NID2: variants seen among roughly 807,000 people sequenced by gnomAD.
NID2 encodes nidogen 2, also known as nidogen-2.
A neutral mutation model predicts 145.4 loss-of-function variants in NID2; 83 were observed. The ratio of observed to expected loss-of-function variants is 0.57; its 90% CI spans 0.48 to 0.69. The LOEUF (loss-of-function observed/expected upper bound fraction) is 0.69. Ranked by LOEUF, NID2 falls within the 30% of genes least tolerant of loss-of-function variation. The pLI, the probability that NID2 is intolerant of heterozygous loss-of-function variation, is 0.00. For synonymous variants in NID2, 739 were observed against 701.3 expected (o/e 1.05, Z -0.85); for missense variants, 1,807 against 1,765.7 (o/e 1.02, Z -0.42).
intron 12 of NID2, 30 bp downstream of exon 12, chr14:52,027,166 TTTCCA>T: frequency 7.0e-7 from 1 of 1,437,612 alleles, no homozygotes; most frequent in Admixed American, 2.7e-5. Context: ...CCAAAGCAAC[TTTCCA>T]GTCATTGAGG....
At chr14:52,016,512 T>G (rs1891217883) in intron 14 of NID2, among the ~76,000 whole-genome samples, 1 of 152,160 alleles carries the variant, frequency 6.6e-6, no homozygotes, top group African/African-American at 2.4e-5. Flanking sequence ...CCCTCCTTTC[T>G]CTCACCATCC....
chr14:52,022,522 GAGA>G lies in NID2; in HGVS notation c.2675-2347_2675-2345del, dbSNP rs1210243277. On this transcript the variant is annotated intron_variant, in intron 12 of 21. Transcript: ENST00000216286. The stretch of plus-strand genomic sequence containing the variant: ...CCCTGGCAAGGGAGGAACTTTATTG[GAGA>G]AGGAGAAGGAGGCCACTGCTTATGC... Among the ~76,000 whole-genome samples the G allele has an allele frequency of 7.9e-5, 12 of 152,260 alleles. No individual in the cohort carries two copies. In the South Asian group the frequency reaches 2.3e-3, roughly 29 times the overall value.
At chr14:52,059,983 C>T in intron 3 of NID2, 141 bp downstream of exon 3, 1 of 558,420 alleles carries the variant, frequency 1.8e-6, no homozygotes, top group African/African-American at 1.9e-5. Flanking sequence ...AGGGTTGAAT[C>T]TAGTTCCTTG....
Position 52,014,325 on chromosome 14 carries a change from G to T in NID2, c.3382C>A (p.Leu1128Ile), listed in dbSNP as rs1485109135. Residue 1128 changes from leucine (L) to isoleucine (I), a missense_variant, in exon 16 of 22, where the codon CTT (leucine) becomes ATT (isoleucine). Coordinates refer to ENST00000216286, the MANE Select transcript of NID2 (RefSeq NM_007361.4). ...IGYLPLNGTR[L>I]QKDAAKTLLS... ...AGGGTCTTAGCTGCATCCTTCTGAA[G>T]CCTGGTGCCATTGAGGGGTAAGTAG... The T allele has an allele frequency of 6.2e-7, 1 of 1,614,240 alleles. No homozygotes were observed. Among genetic ancestry groups the T allele is most frequent in the Non-Finnish European group, 8.5e-7 (1 of 1,180,034 alleles).
At chr14:52,035,198 C>T (rs1892010848) in intron 9 of NID2, among the ~76,000 whole-genome samples, 1 of 152,156 alleles carries the variant, frequency 6.6e-6, no homozygotes, top group Admixed American at 6.5e-5. Context: ...CGCATAATGG[C>T]CTATAACCAA....
At chr14:52,055,300 A>C (rs1264741486) in intron 3 of NID2, among the ~76,000 whole-genome samples, 1 of 152,244 alleles carries the variant, frequency 6.6e-6, no homozygotes, top group Non-Finnish European at 1.5e-5. Context: ...ACTGCAGTCA[A>C]TAAGCATCTG....
In NID2 at chr14:52,021,051, T is replaced by G. The variant is rs575110142; in HGVS notation, c.2675-873A>C. On this transcript the variant is annotated intron_variant, in intron 12 of 21. Transcript: ENST00000216286. ...AAAAGCAGCTCTGAGAATTGAATGG[T>G]TAAAACTAACGCCCAAGGGATGAGA... is the stretch of plus-strand genomic sequence containing the variant. Among the ~76,000 whole-genome samples, 19 of 149,548 alleles carry G rather than the reference T, an allele frequency of 1.3e-4. No individual in the cohort carries two copies. The South Asian group carries it at 3.6e-3, about 28-fold the overall frequency.
At chr14:52,045,426 G>A (rs1307471615) in intron 5 of NID2, among the ~76,000 whole-genome samples, 1 of 151,978 alleles carries the variant, frequency 6.6e-6, no homozygotes, top group Non-Finnish European at 1.5e-5. Context: ...TTTAGTATAG[G>A]GCCTTGATGA....
intron 9 of NID2, among the ~76,000 whole-genome samples, chr14:52,033,384 C>T (rs1311215057): frequency 1.3e-5 from 2 of 152,148 alleles, no homozygotes; most frequent in Non-Finnish European, 2.9e-5. Flanking sequence ...TGTTTTATGA[C>T]CCCACAAAAC....
rs1210395399 is a variant in NID2, at chr14:52,040,916, T to C, written c.1826-65A>G. The C allele has an allele frequency of 1.1e-5, 16 of 1,414,648 alleles. No homozygotes were observed. In the Admixed American group the frequency reaches 1.7e-4, roughly 15 times the overall value. The allele number at this position is 1,414,648 out of a possible 1,614,324, so 87.6% of individuals were successfully genotyped here. ...TCTTGCTTAAACAGTTACCAGTATA[T>C]ACTGCCCGCTCCCAATTTCTACTGC... On this transcript the variant is annotated intron_variant, in intron 7 of 21. Coordinates refer to ENST00000216286, the MANE Select transcript of NID2 (RefSeq NM_007361.4).
At chr14:52,010,543 T>G (rs935601725) in intron 18 of NID2, 2 of 184,786 alleles carry the variant, frequency 1.1e-5, no homozygotes, top group African/African-American at 4.7e-5. Context: ...ACTTCCAGTT[T>G]AAGTGTCAGC....
At chr14:52,036,048 G>A (rs556143974) in intron 9 of NID2, among the ~76,000 whole-genome samples, 15 of 151,592 alleles carry the variant, frequency 9.9e-5, no homozygotes, top group African/African-American at 2.9e-4. Flanking sequence ...CAATTCATCC[G>A]TTTAAAGTAC....
intron 9 of NID2, among the ~76,000 whole-genome samples, chr14:52,030,501 G>GAAA (rs1555363694): frequency 2.9e-5 from 1 of 34,938 alleles, no homozygotes; most frequent in East Asian, 4.0e-4. Flanking sequence ...AAGAAAGAAA[G>GAAA]AGAAAGAAAG....
chr14:52,011,764 A>G (rs1891039632), intron 16 of NID2, 81 bp from the exon 17 acceptor site: 1 of 1,503,934 alleles, frequency 6.6e-7, no homozygotes, highest in Non-Finnish European at 9.2e-7. Flanking sequence ...GCTCATGCAC[A>G]GCTGCAGTGA....
chr14:52,007,775 G>GC (rs1566738792), intron 19 of NID2, 35 bp downstream of exon 19: 4 of 1,574,624 alleles, frequency 2.5e-6, no homozygotes, highest in South Asian at 1.1e-5. Context: ...ACTGTGATGA[G>GC]AGGTTATCTA....
chr14:52,011,427 A>G lies in NID2; in HGVS notation c.3550+127T>C, dbSNP rs1891015101. 3.4e-6 allele frequency: 4 copies of G among 1,186,062 alleles called. No individual in the cohort carries two copies. The South Asian group carries it at 4.2e-5, about 12-fold the overall frequency. The allele number at this position is 1,186,062 out of a possible 1,614,324, so 73.5% of individuals were successfully genotyped here. A position where few individuals can be genotyped will look rare whatever the true frequency, so the allele number is the denominator to read the frequency against. ...GAGGGGGCTAGTCTTATACAGCTCA[A>G]TAAAATGACTTGCCTAGAACTTAAC... On this transcript the variant is annotated intron_variant, in intron 17 of 21. Transcript: ENST00000216286.
At position 52,015,237 on chromosome 14, in the gene NID2, T is replaced by A. The variant is rs1409764682; in HGVS notation, c.3067A>T (p.Arg1023Trp). ...CCGTAGTGCTCCAGCAGGTTTTCCC[T>A]CCAGCGCTCACAGATGGTCGGGGGC... ...QRPPTICERW[R>W]ENLLEHYGGT... Residue 1023 changes from arginine to tryptophan, a missense_variant, in exon 15 of 22, where the codon AGG becomes TGG. By Grantham distance (101) the Arg-to-Trp change is moderately radical. Transcript: ENST00000216286. The A allele has an allele frequency of 6.2e-7, 1 of 1,613,198 alleles. No homozygotes were observed. The highest frequency in any genetic ancestry group is 1.7e-5 in the Admixed American group (1 of 59,996).
chr14:52,030,373 C>T (rs1056550238), intron 9 of NID2, among the ~76,000 whole-genome samples: 7 of 151,752 alleles, frequency 4.6e-5, no homozygotes, highest in Non-Finnish European at 8.8e-5. Context: ...CATGGTGGCT[C>T]ATGCCTGTAA....
intron 5 of NID2, among the ~76,000 whole-genome samples, chr14:52,044,720 C>G (rs1182772227): frequency 1.3e-5 from 2 of 152,054 alleles, no homozygotes; most frequent in African/African-American, 4.8e-5. Context: ...TCAAGTGATC[C>G]TCCTATTTCA....
Sources: gnomAD v4.1 joint callset for allele counts (sites outside exome capture counted in the v4.1 genomes callset) on GRCh38, gnomAD v4.1.1 for gene constraint, MANE v1.5 for transcripts, NCBI Gene and HGNC (gene_info 2026-07-23, HGNC 2026-07-21) for gene names.